The following ANXA4 variants were observed in gnomAD, a reference collection of about 807,000 sequenced individuals.
ANXA4 encodes the protein 35-beta calcimedin.
ANXA4 carries 39 observed loss-of-function variants against 49.8 expected under a neutral mutation model. The observed-to-expected ratio is 0.78, with a 90% CI of 0.61 to 1.02. The LOEUF is 1.02. ANXA4 is among the 50% of genes least tolerant of loss of function. ANXA4 has a pLI of 0.00. For missense variants in ANXA4, 360 were observed against 410.1 expected (o/e 0.88, Z 1.05); for synonymous variants, 134 against 152.5 (o/e 0.88, Z 0.89).
At chr2:69,660,452 G>A (rs4547549) in intron 2 of ANXA4, among the ~76,000 whole-genome samples, 10,793 of 152,048 alleles carry the variant, frequency 0.071, 1,122 homozygotes, top group East Asian at 0.37. Context: ...TCACCCATAA[G>A]CTCAGTTAAG....
chr2:69,666,928 T>C (rs1465278080), intron 2 of ANXA4, among the ~76,000 whole-genome samples: 1 of 151,966 alleles, frequency 6.6e-6, no homozygotes, highest in Non-Finnish European at 1.5e-5. Flanking sequence ...CACCTGTAGT[T>C]CCAGCTACTC....
At chr2:69,735,319 A>G (rs557704408) in intron 3 of ANXA4, among the ~76,000 whole-genome samples, 5 of 152,180 alleles carry the variant, frequency 3.3e-5, no homozygotes, top group African/African-American at 1.2e-4. Context: ...AAGATGTGCA[A>G]CCTCCTTGGA....
Position 69,816,161 on chromosome 2 carries a change from C to T in ANXA4, c.595C>T (p.Leu199Phe). Reference protein sequence around the residue: ...GTDEVKFLTVLCSRNRNHLLH... With the variant: ...GTDEVKFLTVFCSRNRNHLLH... ...AGATGAGGTGAAATTTCTAACTGTT[C>T]TCTGTTCCCGGAACCGAAATCACCT... Residue 199 changes from leucine to phenylalanine, a missense_variant, in exon 9 of 13, where the codon CTC becomes TTC. Physicochemically the swap from Leu to Phe is conservative, Grantham distance 22 (BLOSUM62 0). Transcript: ENST00000394295. 2 of 1,614,120 alleles carry T rather than the reference C, an allele frequency of 1.2e-6. No individual in the cohort carries two copies. The highest frequency in any genetic ancestry group is 1.7e-6 in the Non-Finnish European group (2 of 1,179,982).
chr2:69,685,014 A>G (rs546110541), intron 2 of ANXA4, among the ~76,000 whole-genome samples: 1 of 152,342 alleles, frequency 6.6e-6, no homozygotes, highest in African/African-American at 2.4e-5. Context: ...GATCACCAAC[A>G]ATCGTCAGGG....
At chr2:69,685,442 C>T (rs150102799) in intron 2 of ANXA4, among the ~76,000 whole-genome samples, 161 of 152,182 alleles carry the variant, frequency 1.1e-3, no homozygotes, top group African/African-American at 3.6e-3. Flanking sequence ...GTCAATTGTA[C>T]GCACAGGTGC....
intron 3 of ANXA4, among the ~76,000 whole-genome samples, chr2:69,791,140 A>C (rs56398743): frequency 0.24 from 36,913 of 151,964 alleles, 5,117 homozygotes; most frequent in African/African-American, 0.38. Flanking sequence ...GAGTTGGATA[A>C]ATTTTTTTCC....
At chr2:69,761,004 T>TAAATA (rs201109212) in intron 1 of ANXA4, among the ~76,000 whole-genome samples, 5 of 149,464 alleles carry the variant, frequency 3.3e-5, no homozygotes, top group Admixed American at 6.7e-5. Context: ...TCTATTAAAT[T>TAAATA]AATTAATTAA....
chr2:69,825,030 G>T (rs1296869352), intron 12 of ANXA4, among the ~76,000 whole-genome samples: 2 of 132,126 alleles, frequency 1.5e-5, no homozygotes, highest in African/African-American at 5.9e-5. Context: ...TGGCGCCACT[G>T]CACTCCAGCC....
intron 2 of ANXA4, among the ~76,000 whole-genome samples, chr2:69,694,972 G>A (rs767409977): frequency 1.3e-5 from 2 of 151,878 alleles, no homozygotes; most frequent in South Asian, 2.1e-4. Context: ...GCGAAACCTC[G>A]TCTCTACAAA....
intron 1 of ANXA4, among the ~76,000 whole-genome samples, chr2:69,768,466 GTCATCTCTGTAGCTTCCAGGA>G (rs1559166156): frequency 1.3e-5 from 2 of 152,124 alleles, no homozygotes; most frequent in Non-Finnish European, 2.9e-5. Flanking sequence ...GTTCAACCAC[GTCATCTCTGTAGCTTCCAGGA>G]TTTTTTTAAA....
At chr2:69,737,778 G>C (rs1302101135), upstream of ANXA4, among the ~76,000 whole-genome samples, 4 of 151,910 alleles carry the variant, frequency 2.6e-5, no homozygotes, top group African/African-American at 9.7e-5. Flanking sequence ...TGTTTTATTT[G>C]ATCTTTCTCA....
chr2:69,702,129 A>G (rs185286319), intron 2 of ANXA4, among the ~76,000 whole-genome samples: 177 of 151,358 alleles, frequency 1.2e-3, no homozygotes, highest in African/African-American at 4.2e-3. Context: ...CTCCTGCCTC[A>G]GCCTCCTGAG....
chr2:69,815,860 T>A (rs940781453), intron 8 of ANXA4: 1 of 493,082 alleles, frequency 2.0e-6, no homozygotes, highest in African/African-American at 1.9e-5. Context: ...TAGAACCATG[T>A]AGTCTCCAGC....
upstream of ANXA4, among the ~76,000 whole-genome samples, chr2:69,739,855 A>G (rs1244332445): frequency 6.6e-6 from 1 of 152,178 alleles, no homozygotes; most frequent in Non-Finnish European, 1.5e-5. Flanking sequence ...TAGTGAGGGT[A>G]TTCTCGAGGG....
chr2:69,727,207 C>T (rs56259758), intron 3 of ANXA4, among the ~76,000 whole-genome samples: 2,633 of 152,278 alleles, frequency 0.017, 50 homozygotes, highest in Non-Finnish European at 0.023. Flanking sequence ...TAAATTATTT[C>T]GGTTATTAGT....
intron 12 of ANXA4, among the ~76,000 whole-genome samples, chr2:69,822,149 C>T (rs560414719): frequency 5.1e-4 from 78 of 152,038 alleles, no homozygotes; most frequent in African/African-American, 1.6e-3. Flanking sequence ...TCACTTGAGC[C>T]CGGGAGTTCG....
At chr2:69,801,174 A>G (rs181271572) in intron 3 of ANXA4, among the ~76,000 whole-genome samples, 1 of 152,298 alleles carries the variant, frequency 6.6e-6, no homozygotes, top group Non-Finnish European at 1.5e-5. Flanking sequence ...ATGCTAACAA[A>G]AAAGGGAAGG....
At chr2:69,702,270 C>G (rs904970559) in intron 2 of ANXA4, among the ~76,000 whole-genome samples, 1 of 152,112 alleles carries the variant, frequency 6.6e-6, no homozygotes, top group Non-Finnish European at 1.5e-5. Flanking sequence ...GCCTCAGCCT[C>G]CCAAACTGCT....
rs367645177 is a variant in ANXA4 at position 69,675,407 on chromosome 2, A to G, written n.766+22125A>G. Reference sequence around the variant, plus strand: ...GTTGACAATACTCTATCACATATGTATTTACATAAATATAGATTAAAATTT... The same window carrying G: ...GTTGACAATACTCTATCACATATGTGTTTACATAAATATAGATTAAAATTT... On this transcript the variant is annotated intron_variant and non_coding_transcript_variant, in intron 2 of 3. Coordinates refer to the ANXA4 transcript ENST00000418066. 2.6e-5 allele frequency among the ~76,000 whole-genome samples: 4 copies of G among 152,230 alleles called. No individual in the cohort carries two copies. The South Asian group carries it at 6.2e-4, about 24-fold the overall frequency.
Sources: gnomAD v4.1 joint callset for allele counts (sites outside exome capture counted in the v4.1 genomes callset) on GRCh38, gnomAD v4.1.1 for gene constraint, MANE v1.5 for transcripts, NCBI Gene and HGNC (gene_info 2026-07-23, HGNC 2026-07-21) for gene names.